Variants in MAZ observed in about 807,000 individuals in gnomAD.
MAZ encodes the protein myc-associated zinc finger protein.
In MAZ, 4 loss-of-function variants were observed where a neutral mutation model predicts 32.7. That is an observed-to-expected ratio of 0.12 (90% CI 0.06 to 0.28). The LOEUF (loss-of-function observed/expected upper bound fraction) is 0.28, where lower values mean the gene tolerates loss of function less well. Among genes scored for constraint, MAZ ranks in the 10% least tolerant of loss-of-function variants. MAZ has a pLI of 1.00. For missense variants in MAZ, 763 were observed against 667.2 expected (o/e 1.14, Z -1.58); for synonymous variants, 510 against 297.6 (o/e 1.71, Z -7.35).
Position 29,807,466 on chromosome 16 carries a change from G to A in MAZ, c.681G>A (p.Met227Ile), listed in dbSNP as rs1336405157. The A allele has an allele frequency of 3.1e-6, 5 of 1,612,394 alleles. No homozygotes were observed. In the South Asian group the frequency reaches 4.4e-5, roughly 14 times the overall value. The change falls in exon 2 of 5, where the codon ATG (methionine) becomes ATA (isoleucine). Residue 227 changes from methionine (M) to isoleucine (I), a missense_variant. Transcript: ENST00000322945. The part of the protein sequence containing the change: ...AGRVPSGAMK[M>I]PTMVPLSLLS... ...GGGTCCCCTCGGGTGCTATGAAGAT[G>A]CCGACCATGGTGCCCCTGAGCCTCC...
In MAZ at chr16:29,807,228, C is replaced by T. The variant is rs1472575597; in HGVS notation, c.443C>T (p.Ala148Val). The T allele has an allele frequency of 1.5e-5, 20 of 1,317,576 alleles. No homozygotes were observed. Among genetic ancestry groups the T allele is most frequent in the Non-Finnish European group, 1.8e-5 (19 of 1,032,932 alleles). The allele number at this position is 1,317,576 out of a possible 1,614,324, so 81.6% of individuals were successfully genotyped here. The part of the protein sequence containing the change: ...PPVSAPAAEA[A>V]PPASAATIAA... ...GTGTCGGCGCCCGCGGCCGAGGCCG[C>T]GCCCCCCGCCTCCGCCGCCACTATC... is the stretch of plus-strand genomic sequence containing the variant. Residue 148 changes from alanine to valine, a missense_variant, in exon 2 of 5, where the codon GCG becomes GTG. Coordinates refer to ENST00000322945, the MANE Select transcript of MAZ (RefSeq NM_002383.4).
intron 4 of MAZ, chr16:29,809,827 G>A (rs1899810822): frequency 3.1e-6 from 3 of 979,764 alleles, no homozygotes; most frequent in East Asian, 2.7e-5. Flanking sequence ...GGGCTCAAAG[G>A]GCCCAATAGG....
rs937214255 is a variant in MAZ, at chr16:29,807,076, G to A, written c.291G>A (p.Ala97=). ...TCGCCGCCGCCCAGGAGTCCGCCGCGGCTGCTGCGGCCGCTGCCGCCGCTG... is the reference window on the plus strand; with the variant it reads ...TCGCCGCCGCCCAGGAGTCCGCCGCAGCTGCTGCGGCCGCTGCCGCCGCTG... ...PVLAAAQESA[A]AAAAAAAAAA... is the part of the protein sequence containing the mutation. Residue 97 remains alanine, a synonymous_variant, in exon 2 of 5, where the codon GCG becomes GCA. Transcript: ENST00000322945. The A allele has an allele frequency of 4.9e-6, 5 of 1,017,086 alleles. No individual in the cohort carries two copies. Among genetic ancestry groups the A allele is most frequent in the Admixed American group, 5.8e-5 (1 of 17,134 alleles). The allele number at this position is 1,017,086 out of a possible 1,614,324, so 63.0% of individuals were successfully genotyped here.
chr16:29,809,274 C>A (rs1032296644), intron 4 of MAZ: 3 of 547,680 alleles, frequency 5.5e-6, no homozygotes, highest in Non-Finnish European at 9.6e-6. Context: ...AGTGTCTCGT[C>A]ATCCTGGGAG....
intron 4 of MAZ, 145 bp downstream of exon 4, chr16:29,808,886 G>C: frequency 1.4e-6 from 1 of 711,978 alleles, no homozygotes; most frequent in Non-Finnish European, 2.3e-6. Context: ...GCAGCGGGGG[G>C]ACACCTGAAT....
At position 29,806,660 on chromosome 16, in the gene MAZ, C is replaced by G. The variant is rs1217131692; in HGVS notation, c.-42C>G. Reference sequence around the variant, plus strand: ...CCGGGCCCCGCGCGGCCCGCGCCCCCGGCCCCCGCTGAGCCCCGGGGGCCC... The same window carrying G: ...CCGGGCCCCGCGCGGCCCGCGCCCCGGGCCCCCGCTGAGCCCCGGGGGCCC... On this transcript the variant is annotated 5_prime_UTR_variant, in exon 1 of 5. Transcript: ENST00000322945. The G allele has an allele frequency of 9.9e-7, 1 of 1,005,730 alleles. No homozygotes were observed. The highest frequency in any genetic ancestry group is 1.2e-6 in the Non-Finnish European group (1 of 839,990). The allele number at this position is 1,005,730 out of a possible 1,614,324, so 62.3% of individuals were successfully genotyped here.
Position 29,806,556 on chromosome 16 carries a change from G to A in MAZ, c.-146G>A. The A allele has an allele frequency of 1.1e-6, 1 of 919,164 alleles. No individual in the cohort carries two copies. The highest frequency in any genetic ancestry group is 1.3e-6 in the Non-Finnish European group (1 of 776,496). 56.9% of individuals were successfully genotyped at this position (919,164 alleles called of 1,614,324 possible). A position where few individuals can be genotyped will look rare whatever the true frequency, so the allele number is the denominator to read the frequency against. ...CTTTTCCTCCCTCCCGCCGGCCGGG[G>A]TGCGCGGGCGGCGGGGCGGCCCGCG... On this transcript the variant is annotated 5_prime_UTR_variant, in exon 1 of 5. In the 5' UTR this introduces an upstream ATG that the reference lacks. Transcript: ENST00000322945.
rs781110065 is a variant in MAZ, at chr16:29,806,729, C to T, written c.28C>T (p.Leu10=). ...GTTCCCGGTGTTTCCTTGCACGCTGCTGGCCCCCCCCTTCCCCGTGCTGGG... is the reference window on the plus strand; with the variant it reads ...GTTCCCGGTGTTTCCTTGCACGCTGTTGGCCCCCCCCTTCCCCGTGCTGGG... The part of the protein sequence containing the change: MFPVFPCTL[L]APPFPVLGLD... The change falls in exon 1 of 5, where the codon CTG becomes TTG. Residue 10 remains leucine, a synonymous_variant. Coordinates refer to ENST00000322945, the MANE Select transcript of MAZ (RefSeq NM_002383.4). 4.4e-6 allele frequency: 6 copies of T among 1,378,490 alleles called. No individual in the cohort carries two copies. In the African/African-American group the frequency reaches 6.2e-5, roughly 14 times the overall value. The allele number at this position is 1,378,490 out of a possible 1,614,324, so 85.4% of individuals were successfully genotyped here. A position where few individuals can be genotyped will look rare whatever the true frequency, so the allele number is the denominator to read the frequency against.
intron 4 of MAZ, chr16:29,809,250 A>C: frequency 1.9e-6 from 1 of 530,754 alleles, no homozygotes; most frequent in Non-Finnish European, 3.3e-6. Flanking sequence ...CAACCCTGCA[A>C]GTGGCTAGGA....
chr16:29,807,088 CGCTGCCGCCGCTGCT>C lies in MAZ; in HGVS notation c.306_320del (p.Ala104_Ala108del). On this transcript the variant is annotated inframe_deletion, in exon 2 of 5. Coordinates refer to ENST00000322945, the MANE Select transcript of MAZ (RefSeq NM_002383.4). ...AGGAGTCCGCCGCGGCTGCTGCGGC[CGCTGCCGCCGCTGCT>C]GCCGCCGTCGCTGCCGCGCCCCCGG... The C allele has an allele frequency of 1.0e-6, 1 of 990,180 alleles. No homozygotes were observed. The highest frequency in any genetic ancestry group is 4.3e-5 in the South Asian group (1 of 23,024). The allele number at this position is 990,180 out of a possible 1,614,324, so 61.3% of individuals were successfully genotyped here.
rs1041777380 is a variant in MAZ, at chr16:29,810,632, C to T, written c.*401C>T. The T allele has an allele frequency of 3.2e-6, 2 of 623,428 alleles. No individual in the cohort carries two copies. The highest frequency in any genetic ancestry group is 5.7e-6 in the Non-Finnish European group (2 of 348,290). The allele number at this position is 623,428 out of a possible 1,614,324, so 38.6% of individuals were successfully genotyped here. A position where few individuals can be genotyped will look rare whatever the true frequency, so the allele number is the denominator to read the frequency against. Reference sequence around the variant, plus strand: ...GTCCTCTCCCCCTGCTGTCTGCAGCCCCTCCCCGGGGAGTTGGTGCTTTCT... The same window carrying T: ...GTCCTCTCCCCCTGCTGTCTGCAGCTCCTCCCCGGGGAGTTGGTGCTTTCT... On this transcript the variant is annotated 3_prime_UTR_variant, in exon 5 of 5. Coordinates refer to ENST00000322945, the MANE Select transcript of MAZ (RefSeq NM_002383.4).
chr16:29,809,342 C>T, intron 4 of MAZ: 1 of 583,830 alleles, frequency 1.7e-6, no homozygotes, highest in Non-Finnish European at 3.0e-6. Context: ...AAGCGGGCAC[C>T]ACACAAGCCA....
chr16:29,811,133 C>A lies in MAZ; in HGVS notation c.*902C>A, dbSNP rs563214572. 1.6e-5 allele frequency: 7 copies of A among 437,272 alleles called. No individual in the cohort carries two copies. The highest frequency in any genetic ancestry group is 7.8e-5 in the Admixed American group (3 of 38,358). The allele number at this position is 437,272 out of a possible 1,614,324, so 27.1% of individuals were successfully genotyped here. On this transcript the variant is annotated 3_prime_UTR_variant, in exon 5 of 5. Transcript: ENST00000322945. Reference sequence around the variant, plus strand: ...CCTCCACCCCTTCCTTTTGCGCGGACCCCATTACAATAAATTTTAAATAAA... The same window carrying A: ...CCTCCACCCCTTCCTTTTGCGCGGAACCCATTACAATAAATTTTAAATAAA...
Position 29,807,350 on chromosome 16 carries a change from C to G in MAZ, c.565C>G (p.Pro189Ala), listed in dbSNP as rs756082446. ...ALEKKTKSKG[P>A]YICALCAKEF... ...GGAGAAGAAGACAAAGAGCAAGGGG[C>G]CCTACATCTGCGCTCTGTGCGCCAA... Residue 189 changes from proline (P) to alanine (A), a missense_variant, in exon 2 of 5, where the codon CCC becomes GCC. Coordinates refer to ENST00000322945, the MANE Select transcript of MAZ (RefSeq NM_002383.4). The G allele has an allele frequency of 6.2e-7, 1 of 1,611,856 alleles. No homozygotes were observed. The highest frequency in any genetic ancestry group is 1.3e-5 in the African/African-American group (1 of 74,894).
At position 29,806,734 on chromosome 16, in the gene MAZ, C is replaced by A. The variant is rs1446810251; in HGVS notation, c.33C>A (p.Ala11=). 2 of 1,388,410 alleles carry A rather than the reference C, an allele frequency of 1.4e-6. No homozygotes were observed. The highest frequency in any genetic ancestry group is 1.9e-6 in the Non-Finnish European group (2 of 1,053,392). The allele number at this position is 1,388,410 out of a possible 1,614,324, so 86.0% of individuals were successfully genotyped here. Residue 11 remains alanine, a synonymous_variant, in exon 1 of 5, where the codon GCC becomes GCA. Coordinates refer to ENST00000322945, the MANE Select transcript of MAZ (RefSeq NM_002383.4). MFPVFPCTLL[A]PPFPVLGLDS... ...CGGTGTTTCCTTGCACGCTGCTGGC[C>A]CCCCCCTTCCCCGTGCTGGGCCTGG...
rs1405605780 is a variant in MAZ, at chr16:29,810,196, G to A, written c.1399G>A (p.Val467Met). Residue 467 changes from valine (V) to methionine (M), a missense_variant, in exon 5 of 5, where the codon GTG (valine) becomes ATG (methionine). Physicochemically the swap from Val to Met is conservative, Grantham distance 21 (BLOSUM62 1). Coordinates refer to ENST00000322945, the MANE Select transcript of MAZ (RefSeq NM_002383.4). Reference sequence around the variant, plus strand: ...CCTCTCGGGGGCGGAGGGGGTGCCTGTGAGCTCTCAGCCACTTCCCTCCCA... The same window carrying A: ...CCTCTCGGGGGCGGAGGGGGTGCCTATGAGCTCTCAGCCACTTCCCTCCCA... ...GSLSGAEGVP[V>M]SSQPLPSQPW 2 of 1,604,494 alleles carry A rather than the reference G, an allele frequency of 1.2e-6. No homozygotes were observed. The highest frequency in any genetic ancestry group is 1.7e-6 in the Non-Finnish European group (2 of 1,175,650).
In MAZ at chr16:29,810,557, C is replaced by T. The variant is rs1433876788; in HGVS notation, c.*326C>T. 2 of 699,802 alleles carry T rather than the reference C, an allele frequency of 2.9e-6. No homozygotes were observed. The highest frequency in any genetic ancestry group is 5.2e-6 in the Non-Finnish European group (2 of 383,546). The allele number at this position is 699,802 out of a possible 1,614,324, so 43.3% of individuals were successfully genotyped here. A position where few individuals can be genotyped will look rare whatever the true frequency, so the allele number is the denominator to read the frequency against. ...TCTCTGTAAGCCCATGCCCTGTCTT[C>T]CCAGGGACTTGTGAGCCTCTTCCCT... On this transcript the variant is annotated 3_prime_UTR_variant, in exon 5 of 5. Transcript: ENST00000322945.
In MAZ at chr16:29,807,802, C is replaced by T. The variant is rs371171382; in HGVS notation, c.1017C>T (p.Cys339=). ...GCGCTGTGCACAAGCCCTACAACTGCTCCCACTGTGGCAAGAGCTTCTCCC... is the reference window on the plus strand; with the variant it reads ...GCGCTGTGCACAAGCCCTACAACTGTTCCCACTGTGGCAAGAGCTTCTCCC... The part of the protein sequence containing the change: ...HDGAVHKPYN[C]SHCGKSFSRP... The change falls in exon 2 of 5, where the codon TGC becomes TGT. Residue 339 remains cysteine (C), a synonymous_variant. Transcript: ENST00000322945. 226 of 1,609,944 alleles carry T rather than the reference C, an allele frequency of 1.4e-4. No individual in the cohort carries two copies. The highest frequency in any genetic ancestry group is 9.8e-5 in the Non-Finnish European group (116 of 1,179,822).
chr16:29,806,974 G>A lies in MAZ; in HGVS notation c.193-4G>A. On this transcript the variant is annotated splice_polypyrimidine_tract_variant and splice_region_variant and intron_variant, in intron 1 of 4. Transcript: ENST00000322945. Reference sequence around the variant, plus strand: ...GCGGCCCACTCGGCGCCTTGTCTCCGCAGGCCGCGCCGGCGCCCCCGCCCA... The same window carrying A: ...GCGGCCCACTCGGCGCCTTGTCTCCACAGGCCGCGCCGGCGCCCCCGCCCA... 1.1e-5 allele frequency: 11 copies of A among 1,034,918 alleles called. No homozygotes were observed. The highest frequency in any genetic ancestry group is 1.3e-5 in the Non-Finnish European group (11 of 865,960). The allele number at this position is 1,034,918 out of a possible 1,614,324, so 64.1% of individuals were successfully genotyped here.
Sources: gnomAD v4.1 joint callset for allele counts on GRCh38, gnomAD v4.1.1 for gene constraint, MANE v1.5 for transcripts, NCBI Gene and HGNC (gene_info 2026-07-23, HGNC 2026-07-21) for gene names.